The following FAF2 variants were observed in gnomAD, a reference collection of about 807,000 sequenced individuals.
FAF2 encodes FAS-associated factor 2.
A neutral mutation model predicts 62.3 loss-of-function variants in FAF2; 9 were observed. That is an observed-to-expected ratio of 0.14 (90% CI 0.09 to 0.25). The LOEUF is 0.25. Among genes scored for constraint, FAF2 ranks in the 10% least tolerant of loss-of-function variants. The pLI is 1.00. For missense variants in FAF2, 368 were observed against 556.2 expected (o/e 0.66, Z 3.40); for synonymous variants, 202 against 198.0 (o/e 1.02, Z -0.17).
intron 1 of FAF2, among the ~76,000 whole-genome samples, chr5:176,463,035 CTTATTG>C (rs1482245941): frequency 1.3e-5 from 2 of 152,082 alleles, no homozygotes; most frequent in Admixed American, 6.6e-5. Context: ...AGCCAACATA[CTTATTG>C]TTTGTGTTTG....
chr5:176,483,531 G>A (rs867036171), intron 2 of FAF2, among the ~76,000 whole-genome samples: 3 of 152,048 alleles, frequency 2.0e-5, no homozygotes, highest in Non-Finnish European at 2.9e-5. Context: ...TTCTTTCCTC[G>A]TTGAATTGTA....
Position 176,500,192 on chromosome 5 carries a change from A to G in FAF2, c.1155+46A>G, listed in dbSNP as rs746258899. The G allele has an allele frequency of 1.9e-6, 3 of 1,589,584 alleles. No homozygotes were observed. The South Asian group carries it at 3.4e-5, about 18-fold the overall frequency. On this transcript the variant is annotated intron_variant, in intron 10 of 10. Transcript: ENST00000261942. The stretch of plus-strand genomic sequence containing the variant: ...GTGAAGTGTATGTAGCATCTGGGCT[A>G]TAGATTTGGAGCTTTTACTGACTCT...
At chr5:176,496,712 G>A (rs1318321321) in intron 8 of FAF2, 49 bp downstream of exon 8, 3 of 1,421,814 alleles carry the variant, frequency 2.1e-6, no homozygotes, top group East Asian at 2.6e-5. Flanking sequence ...TTGTAAATTT[G>A]GAGGGCTGAC....
At position 176,480,960 on chromosome 5, in the gene FAF2, A is replaced by T. The variant is rs188118631; in HGVS notation, c.132+1704A>T. 9.4e-3 allele frequency among the ~76,000 whole-genome samples: 1,431 copies of T among 152,280 alleles called. 21 individuals carry two copies. Among genetic ancestry groups the T allele is most frequent in the Middle Eastern group, 0.048 (14 of 294 alleles). On this transcript the variant is annotated intron_variant, in intron 2 of 10. Coordinates refer to ENST00000261942, the MANE Select transcript of FAF2 (RefSeq NM_014613.3). ...TATCCCAGAACTTAAAGTATAATTT[A>T]AAAAAATAAATAAATGACAAATGAG...
chr5:176,461,306 G>T (rs2113719617), intron 1 of FAF2, among the ~76,000 whole-genome samples: 1 of 120,580 alleles, frequency 8.3e-6, no homozygotes, highest in African/African-American at 3.1e-5. Flanking sequence ...GAGCCACTGT[G>T]CCCAGCTTTT....
intron 1 of FAF2, among the ~76,000 whole-genome samples, chr5:176,452,275 C>A (rs1385418100): frequency 6.6e-6 from 1 of 152,076 alleles, no homozygotes; most frequent in East Asian, 1.9e-4. Context: ...CCAGGCTGGT[C>A]TCGAACTCCT....
At chr5:176,472,719 CAAAAA>C (rs66911150) in intron 1 of FAF2, among the ~76,000 whole-genome samples, 2 of 108,516 alleles carry the variant, frequency 1.8e-5, no homozygotes, top group Admixed American at 9.3e-5. Flanking sequence ...TTCATCTCTA[CAAAAA>C]AAAAAAAAAA....
chr5:176,459,037 CAG>C (rs1027159161), intron 1 of FAF2, among the ~76,000 whole-genome samples: 2 of 152,100 alleles, frequency 1.3e-5, no homozygotes, highest in Non-Finnish European at 2.9e-5. Context: ...TTTAACTCCA[CAG>C]AGTTTTGGGG....
At chr5:176,454,357 C>A (rs1758241528) in intron 1 of FAF2, among the ~76,000 whole-genome samples, 1 of 151,992 alleles carries the variant, frequency 6.6e-6, no homozygotes, top group Admixed American at 6.6e-5. Flanking sequence ...CGTGCCACTG[C>A]ACTCCAAGCC....
At chr5:176,453,929 G>T (rs1231644768) in intron 1 of FAF2, among the ~76,000 whole-genome samples, 3 of 151,060 alleles carry the variant, frequency 2.0e-5, no homozygotes, top group Admixed American at 6.6e-5. Flanking sequence ...CGTGTCAGGT[G>T]CCCATAATCC....
intron 1 of FAF2, among the ~76,000 whole-genome samples, chr5:176,465,033 A>G (rs1404861436): frequency 6.6e-6 from 1 of 152,124 alleles, no homozygotes; most frequent in Non-Finnish European, 1.5e-5. Context: ...GATTATAGGC[A>G]TGCGCCACTA....
chr5:176,493,416 G>A (rs1052228962), intron 5 of FAF2, among the ~76,000 whole-genome samples: 1 of 152,248 alleles, frequency 6.6e-6, no homozygotes, highest in Non-Finnish European at 1.5e-5. Context: ...GTCGTACAGT[G>A]TAATGTGCTC....
intron 8 of FAF2, 97 bp downstream of exon 8, chr5:176,496,760 C>A: frequency 1.1e-6 from 1 of 935,506 alleles, no homozygotes; most frequent in Non-Finnish European, 1.5e-6. Context: ...TTCTGTGCAT[C>A]AGGCCGCTAT....
chr5:176,496,266 C>A (rs1755480353), intron 7 of FAF2, among the ~76,000 whole-genome samples: 1 of 152,096 alleles, frequency 6.6e-6, no homozygotes, highest in Non-Finnish European at 1.5e-5. Flanking sequence ...GTCACTTGAG[C>A]CCAGGAGCTG....
chr5:176,486,036 A>C (rs1470597845), intron 2 of FAF2, among the ~76,000 whole-genome samples: 2 of 152,150 alleles, frequency 1.3e-5, no homozygotes, highest in Non-Finnish European at 2.9e-5. Context: ...TTTTCTTGGG[A>C]TTGTACAGTG....
At position 176,463,713 on chromosome 5, in the gene FAF2, G is replaced by A. The variant is rs193188848; in HGVS notation, c.63+15243G>A. Among the ~76,000 whole-genome samples the A allele has an allele frequency of 1.3e-4, 20 of 151,610 alleles. No individual in the cohort carries two copies. The East Asian group carries it at 2.9e-3, about 22-fold the overall frequency. ...AGTGCGTGGTAGAATTAGAATAAAG[G>A]GTTATTGCATGTTTTTTTTTTTTTT... On this transcript the variant is annotated intron_variant, in intron 1 of 10. Transcript: ENST00000261942.
At chr5:176,466,630 A>C (rs1408091009) in intron 1 of FAF2, among the ~76,000 whole-genome samples, 4 of 152,228 alleles carry the variant, frequency 2.6e-5, no homozygotes, top group Non-Finnish European at 4.4e-5. Context: ...TCTTTGAGTC[A>C]TGCTTTAGCA....
Position 176,507,052 on chromosome 5 carries a change from A to ATAT in FAF2, c.*118_*120dup, listed in dbSNP as rs200399884. On this transcript the variant is annotated 3_prime_UTR_variant, in exon 11 of 11. Coordinates refer to ENST00000261942, the MANE Select transcript of FAF2 (RefSeq NM_014613.3). Reference sequence around the variant, plus strand: ...AAAAAAAAACAAGAGAGAGAAATTCATATTATTATTATTATTATAATACAA... The same window carrying ATAT: ...AAAAAAAAACAAGAGAGAGAAATTCATATTATTATTATTATTATTATAATACAA... 4.2e-4 allele frequency: 276 copies of ATAT among 652,982 alleles called. 1 individual carries two copies. In the East Asian group the frequency reaches 9.0e-3, roughly 21 times the overall value. The allele number at this position is 652,982 out of a possible 1,614,324, so 40.4% of individuals were successfully genotyped here.
chr5:176,488,451 C>A (rs1452727122), intron 3 of FAF2, among the ~76,000 whole-genome samples: 1 of 152,094 alleles, frequency 6.6e-6, no homozygotes, highest in Non-Finnish European at 1.5e-5. Context: ...GAGACAGAAT[C>A]TTGCTCTGCC....
Sources: gnomAD v4.1 joint callset for allele counts (sites outside exome capture counted in the v4.1 genomes callset) on GRCh38, gnomAD v4.1.1 for gene constraint, MANE v1.5 for transcripts, NCBI Gene and HGNC (gene_info 2026-07-23, HGNC 2026-07-21) for gene names.